SLC35F2: variants seen among roughly 807,000 people sequenced by gnomAD.
SLC35F2 encodes the protein solute carrier family 35 member F2.
In SLC35F2, 25 loss-of-function variants were observed where a neutral mutation model predicts 38.1. That is an observed-to-expected ratio of 0.66 (90% CI 0.48 to 0.92). The LOEUF is 0.92. Among genes scored for constraint, SLC35F2 ranks in the 40% least tolerant of loss-of-function variants. The pLI is 0.00. For synonymous variants in SLC35F2, 173 were observed against 181.7 expected (o/e 0.95, Z 0.38); for missense variants, 409 against 452.9 (o/e 0.90, Z 0.88).
At chr11:107,833,690 T>C (rs965825681) in intron 1 of SLC35F2, among the ~76,000 whole-genome samples, 3 of 152,146 alleles carry the variant, frequency 2.0e-5, no homozygotes, top group Non-Finnish European at 4.4e-5. Context: ...CCAGGCGAGT[T>C]AGAGAAAACG....
chr11:107,826,103 A>C (rs1165803931), intron 1 of SLC35F2, among the ~76,000 whole-genome samples: 2 of 152,196 alleles, frequency 1.3e-5, no homozygotes, highest in Non-Finnish European at 2.9e-5. Context: ...AGCTGAATAA[A>C]CACACAGGAG....
intron 7 of SLC35F2, among the ~76,000 whole-genome samples, chr11:107,800,139 C>T (rs1261151154): frequency 5.3e-5 from 8 of 151,278 alleles, no homozygotes; most frequent in Admixed American, 3.3e-4. Context: ...CCGCCCGCCT[C>T]GGCCTCCCAA....
chr11:107,858,313 G>A (rs1328226594), intron 1 of SLC35F2, among the ~76,000 whole-genome samples: 1 of 152,194 alleles, frequency 6.6e-6, no homozygotes, highest in African/African-American at 2.4e-5. Flanking sequence ...CCCGAGGTGG[G>A]CACTCCTCCT....
At chr11:107,793,281 C>G (rs762161207) in intron 7 of SLC35F2, among the ~76,000 whole-genome samples, 11 of 152,220 alleles carry the variant, frequency 7.2e-5, no homozygotes, top group South Asian at 2.1e-4. Flanking sequence ...CCCATGTATG[C>G]TGGTGAATGA....
At chr11:107,850,440 T>C (rs888943892) in intron 1 of SLC35F2, among the ~76,000 whole-genome samples, 3 of 152,082 alleles carry the variant, frequency 2.0e-5, no homozygotes, top group African/African-American at 7.2e-5. Context: ...CTTTTGAATA[T>C]CACAACTGGG....
chr11:107,809,980 T>A (rs564119052), intron 3 of SLC35F2: 1 of 985,368 alleles, frequency 1.0e-6, no homozygotes, highest in South Asian at 4.7e-5. Flanking sequence ...GGCCACATCA[T>A]CATCTTCACG....
chr11:107,839,473 A>C (rs1859983326), intron 1 of SLC35F2, among the ~76,000 whole-genome samples: 1 of 152,198 alleles, frequency 6.6e-6, no homozygotes, highest in Non-Finnish European at 1.5e-5. Context: ...AAAAAGAAAA[A>C]GAAAACATAT....
intron 1 of SLC35F2, among the ~76,000 whole-genome samples, chr11:107,816,763 G>C (rs73001542): frequency 0.012 from 1,781 of 152,200 alleles, 16 homozygotes; most frequent in Non-Finnish European, 0.021. Context: ...GCTCCATTTT[G>C]GACATGCTGG....
chr11:107,796,843 AT>A (rs557513261), intron 7 of SLC35F2, among the ~76,000 whole-genome samples: 5 of 148,764 alleles, frequency 3.4e-5, no homozygotes, highest in Non-Finnish European at 4.5e-5. Context: ...TAATTTTTGT[AT>A]TTTTTTTTTG....
intron 3 of SLC35F2, chr11:107,811,053 T>C: frequency 2.0e-6 from 2 of 984,944 alleles, no homozygotes; most frequent in Non-Finnish European, 2.4e-6. Flanking sequence ...AAACATTTTG[T>C]AGTCAGTAAT....
chr11:107,816,478 G>T (rs1364290598), intron 1 of SLC35F2, among the ~76,000 whole-genome samples: 2 of 146,536 alleles, frequency 1.4e-5, no homozygotes, highest in South Asian at 2.2e-4. Context: ...GTGGAGATGG[G>T]GTTTCACTAT....
Position 107,803,067 on chromosome 11 carries a change from G to C in SLC35F2, c.873C>G (p.Val291=). 1 of 1,614,112 alleles carries C rather than the reference G, an allele frequency of 6.2e-7. No homozygotes were observed. The highest frequency in any genetic ancestry group is 1.7e-5 in the Admixed American group (1 of 60,014). Residue 291 remains valine, a synonymous_variant, in exon 7 of 8, where the codon GTC becomes GTG. Coordinates refer to ENST00000525815, the MANE Select transcript of SLC35F2 (RefSeq NM_017515.5). ...LVIKVTSATS[V]NLGILTADLY... ...GGTCCGCTGTCAGGATGCCCAGGTT[G>C]ACGGAAGTGGCACTAGTGACTTTAA...
intron 1 of SLC35F2, among the ~76,000 whole-genome samples, chr11:107,833,518 C>CAAAAAAAAAAAAAA (rs34376803): frequency 1.0e-4 from 9 of 89,560 alleles, no homozygotes; most frequent in African/African-American, 3.4e-4. Context: ...GACTCTGTCT[C>CAAAAAAAAAAAAAA]AAAAAAAAAA....
chr11:107,815,530 C>T (rs1859557124), intron 2 of SLC35F2, among the ~76,000 whole-genome samples: 1 of 151,870 alleles, frequency 6.6e-6, no homozygotes, highest in South Asian at 2.1e-4. Context: ...TGCACTCCAG[C>T]CTGGGTGACA....
At chr11:107,846,176 A>G (rs1358592458) in intron 1 of SLC35F2, among the ~76,000 whole-genome samples, 2 of 151,904 alleles carry the variant, frequency 1.3e-5, no homozygotes, top group African/African-American at 4.8e-5. Flanking sequence ...ATCATAATTT[A>G]GAAAGAACAC....
intron 4 of SLC35F2, among the ~76,000 whole-genome samples, chr11:107,806,305 T>C (rs1859388031): frequency 6.6e-6 from 1 of 152,166 alleles, no homozygotes; most frequent in Admixed American, 6.6e-5. Context: ...AAAGTAATTT[T>C]CCCTCTCAAT....
At chr11:107,802,300 G>A (rs887991949) in intron 7 of SLC35F2, among the ~76,000 whole-genome samples, 10 of 151,348 alleles carry the variant, frequency 6.6e-5, no homozygotes, top group South Asian at 2.1e-4. Context: ...AATTCTCAAG[G>A]GAAGGTGTAT....
At chr11:107,834,264 C>G (rs1337678117) in intron 1 of SLC35F2, among the ~76,000 whole-genome samples, 1 of 152,118 alleles carries the variant, frequency 6.6e-6, no homozygotes, top group Non-Finnish European at 1.5e-5. Context: ...AAGAGACAAA[C>G]AGGGAAAATT....
chr11:107,837,842 T>C (rs1018570947), intron 1 of SLC35F2, among the ~76,000 whole-genome samples: 2 of 152,206 alleles, frequency 1.3e-5, no homozygotes, highest in African/African-American at 2.4e-5. Flanking sequence ...GTGTTTTATA[T>C]GTTCCACTTG....
Sources: allele counts gnomAD v4.1 joint callset (sites outside exome capture counted in the v4.1 genomes callset), GRCh38; gene constraint gnomAD v4.1.1; transcripts MANE v1.5; gene names NCBI Gene and HGNC (gene_info 2026-07-23, HGNC 2026-07-21).